DCST1: variants seen among roughly 807,000 people sequenced by gnomAD.
DCST1 encodes DC-STAMP domain containing 1.
DCST1 carries 78 observed loss-of-function variants against 89.1 expected under a neutral mutation model. That is an observed-to-expected ratio of 0.88 (90% CI 0.73 to 1.06). DCST1 has a LOEUF of 1.06. DCST1 is among the 50% of genes least tolerant of loss of function. DCST1 has a pLI of 0.00. For missense variants in DCST1, 900 were observed against 928.6 expected (o/e 0.97, Z 0.40); for synonymous variants, 364 against 371.9 (o/e 0.98, Z 0.24).
At chr1:155,042,299 A>G (rs965940565) in intron 8 of DCST1, among the ~76,000 whole-genome samples, 3 of 152,128 alleles carry the variant, frequency 2.0e-5, no homozygotes, top group Non-Finnish European at 4.4e-5. Flanking sequence ...GGGTTTCACC[A>G]CGTTGACCAA....
chr1:155,047,045 C>T (rs1660665669), intron 13 of DCST1, 151 bp from the exon 14 acceptor site: 2 of 725,418 alleles, frequency 2.8e-6, no homozygotes, highest in Non-Finnish European at 5.1e-6. Context: ...CAACTGGGAG[C>T]AGGGAGGGGT....
intron 10 of DCST1, among the ~76,000 whole-genome samples, chr1:155,044,353 A>G (rs2102358379): frequency 6.6e-6 from 1 of 152,100 alleles, no homozygotes; most frequent in East Asian, 1.9e-4. Context: ...TGTGGGGCAC[A>G]TGCCTGTAGT....
At chr1:155,044,291 G>A (rs1389763453) in intron 10 of DCST1, among the ~76,000 whole-genome samples, 2 of 152,116 alleles carry the variant, frequency 1.3e-5, no homozygotes, top group Non-Finnish European at 2.9e-5. Flanking sequence ...AGACCAGCCT[G>A]GGTAACACAG....
At chr1:155,049,144 A>C in intron 16 of DCST1, 1 of 707,014 alleles carries the variant, frequency 1.4e-6, no homozygotes, top group Middle Eastern at 2.3e-4. Context: ...TCCTTCCCTC[A>C]TTACTATGAC....
chr1:155,042,846 T>C lies in DCST1; in HGVS notation c.1004T>C (p.Ile335Thr). ...RGLDGEFSAN[I>T]DFKEEKQAGV... ...CTGGATGGGGAATTTTCAGCCAATA[T>C]TGACTTCAAGGTAGAAGGCAAGGGC... Residue 335 changes from isoleucine to threonine, a missense_variant, in exon 9 of 17, where the codon ATT becomes ACT. Transcript: ENST00000295542. 1.2e-6 allele frequency: 2 copies of C among 1,614,146 alleles called. No homozygotes were observed. The highest frequency in any genetic ancestry group is 1.7e-6 in the Non-Finnish European group (2 of 1,180,022).
At position 155,048,168 on chromosome 1, in the gene DCST1, C is replaced by A; in HGVS notation, c.1867C>A (p.Pro623Thr). The A allele has an allele frequency of 1.2e-6, 2 of 1,613,550 alleles. No homozygotes were observed. Among genetic ancestry groups the A allele is most frequent in the Non-Finnish European group, 1.7e-6 (2 of 1,179,796 alleles). ...ILRRERQQKA[P>T]RHPLADILHR... ...GAGGCGGGAGCGACAGCAGAAGGCT[C>A]CGGTAAGTCCAGGCGTAAGTGCTGC... Residue 623 changes from proline to threonine, a missense_variant and splice_region_variant, in exon 16 of 17, where the codon CCG becomes ACG. Physicochemically the swap from Pro to Thr is conservative, Grantham distance 38 (BLOSUM62 -1). Coordinates refer to ENST00000295542, the MANE Select transcript of DCST1 (RefSeq NM_152494.4).
Position 155,050,759 on chromosome 1 carries a change from G to A in DCST1, c.2012G>A (p.Trp671Ter). ...RTLDCEAVYC[W>*]SCWDDMRQRC... ...CTGGACTGCGAGGCCGTGTACTGCT[G>A]GTCGTGCTGGGACGACATGCGGCAG... The change falls in exon 17 of 17, where the codon TGG (tryptophan) becomes TAG (stop). Residue 671 changes from tryptophan (W) to a stop codon, truncating the protein, a stop_gained. Transcript: ENST00000295542. LOFTEE classifies it high-confidence loss of function. The A allele has an allele frequency of 6.2e-7, 1 of 1,611,506 alleles. No homozygotes were observed. The highest frequency in any genetic ancestry group is 8.5e-7 in the Non-Finnish European group (1 of 1,179,068).
intron 6 of DCST1, among the ~76,000 whole-genome samples, chr1:155,040,842 C>T (rs937398348): frequency 6.6e-6 from 1 of 152,230 alleles, no homozygotes; most frequent in African/African-American, 2.4e-5. Flanking sequence ...TACACATTTC[C>T]TAATACCTGA....
chr1:155,034,285 G>T (rs965234551), intron 2 of DCST1, 150 bp from the exon 3 acceptor site: 12 of 1,584,858 alleles, frequency 7.6e-6, no homozygotes, highest in Non-Finnish European at 1.0e-5. Context: ...ACTTCCTCAG[G>T]CTCCCTCATC....
At chr1:155,038,217 G>T (rs1400544127) in intron 4 of DCST1, among the ~76,000 whole-genome samples, 1 of 152,242 alleles carries the variant, frequency 6.6e-6, no homozygotes, top group African/African-American at 2.4e-5. Context: ...GAGCAGCAAC[G>T]AGGTCTGTGT....
In DCST1 at chr1:155,047,248, T is replaced by C. The variant is rs1660680258; in HGVS notation, c.1548T>C (p.Leu516=). Residue 516 remains leucine (L), a synonymous_variant, in exon 14 of 17, where the codon CTT becomes CTC. Transcript: ENST00000295542. ...KVGGDSMLAR[L]LRKTIGALNT... is the part of the protein sequence containing the mutation. ...GGGGAGACTCCATGCTAGCCCGGCT[T>C]CTTCGAAAAACCATTGGGGCCCTGA... The C allele has an allele frequency of 1.2e-6, 2 of 1,614,010 alleles. No individual in the cohort carries two copies. The highest frequency in any genetic ancestry group is 2.7e-5 in the African/African-American group (2 of 74,912).
At position 155,042,676 on chromosome 1, in the gene DCST1, A is replaced by C. The variant is rs1433260137; in HGVS notation, c.893-59A>C. The C allele has an allele frequency of 9.3e-6, 15 of 1,608,008 alleles. No individual in the cohort carries two copies. The East Asian group carries it at 3.3e-4, about 36-fold the overall frequency. On this transcript the variant is annotated intron_variant, in intron 8 of 16. Transcript: ENST00000295542. ...AGGACTACAGGAGGACAGGCAGGCC[A>C]GGCCTGCACCTGGAGGACAGGCCCG...
chr1:155,041,964 C>T lies in DCST1; in HGVS notation c.892+107C>T, dbSNP rs971378325. 7 of 1,483,510 alleles carry T rather than the reference C, an allele frequency of 4.7e-6. No individual in the cohort carries two copies. In the African/African-American group the frequency reaches 6.9e-5, roughly 15 times the overall value. 91.9% of individuals were successfully genotyped at this position (1,483,510 alleles called of 1,614,324 possible). ...AAGCAACAGATGAGGAGGGTTTTGG[C>T]CCTGAGGCCACAGCATCCTTAGAGC... On this transcript the variant is annotated intron_variant, in intron 8 of 16. Coordinates refer to ENST00000295542, the MANE Select transcript of DCST1 (RefSeq NM_152494.4).
intron 10 of DCST1, 119 bp from the exon 11 acceptor site, chr1:155,045,774 T>C: frequency 1.3e-6 from 1 of 798,822 alleles, no homozygotes; most frequent in South Asian, 1.5e-5. Context: ...AGGACATAGA[T>C]GGTGCTCAAT....
In DCST1 at chr1:155,042,747, G is replaced by A; in HGVS notation, c.905G>A (p.Trp302Ter). ...CACTGTTCACCAGTGATGGAGGTTTGGTGCCGCAATCGCATCCCAGTGGAA... is the reference window on the plus strand; with the variant it reads ...CACTGTTCACCAGTGATGGAGGTTTAGTGCCGCAATCGCATCCCAGTGGAA... ...FCGIAKVMEVWCRNRIPVEGN... is the reference protein window; with the variant it reads ...FCGIAKVMEV The change falls in exon 9 of 17, where the codon TGG becomes TAG. Residue 302 changes from tryptophan to a stop codon, truncating the protein, a stop_gained. Coordinates refer to ENST00000295542, the MANE Select transcript of DCST1 (RefSeq NM_152494.4). LOFTEE classifies it high-confidence loss of function. 6.2e-7 allele frequency: 1 copy of A among 1,614,210 alleles called. No homozygotes were observed. Among genetic ancestry groups the A allele is most frequent in the Non-Finnish European group, 8.5e-7 (1 of 1,180,046 alleles).
chr1:155,036,106 G>A (rs552160775), intron 4 of DCST1, among the ~76,000 whole-genome samples: 47 of 148,210 alleles, frequency 3.2e-4, no homozygotes, highest in African/African-American at 1.1e-3. Flanking sequence ...CTCTTTTTAG[G>A]AACAAGGGAA....
At chr1:155,048,250 A>C (rs1571572073) in intron 16 of DCST1, 80 bp downstream of exon 16, 1 of 1,121,848 alleles carries the variant, frequency 8.9e-7, no homozygotes, top group South Asian at 1.3e-5. Flanking sequence ...CCTTCAGTCC[A>C]CCCAGCACCC....
chr1:155,035,987 G>A (rs898663046), intron 4 of DCST1, among the ~76,000 whole-genome samples: 6 of 147,252 alleles, frequency 4.1e-5, no homozygotes, highest in Non-Finnish European at 8.9e-5. Flanking sequence ...GTCTTGGGCT[G>A]TGCGATTTGA....
At chr1:155,050,196 T>C (rs1660855683) in intron 16 of DCST1, among the ~76,000 whole-genome samples, 1 of 152,218 alleles carries the variant, frequency 6.6e-6, no homozygotes, top group Admixed American at 6.5e-5. Context: ...ACTAGGTTTG[T>C]GGTTTGGAAT....
Sources: allele counts gnomAD v4.1 joint callset (sites outside exome capture counted in the v4.1 genomes callset), GRCh38; gene constraint gnomAD v4.1.1; transcripts MANE v1.5; gene names NCBI Gene and HGNC (gene_info 2026-07-23, HGNC 2026-07-21).